SFI1: variants seen among roughly 807,000 people sequenced by gnomAD.
The protein encoded by SFI1 is SFI1 centrin binding protein.
Under a neutral mutation model 207.5 loss-of-function variants are expected in SFI1, and 195 were observed. The observed-to-expected ratio is 0.94, with a 90% CI of 0.84 to 1.06. The LOEUF is 1.06. Among genes scored for constraint, SFI1 ranks in the 50% least tolerant of loss-of-function variants. The pLI is 0.00. For synonymous variants in SFI1, 630 were observed against 598.9 expected (o/e 1.05, Z -0.76); for missense variants, 1,634 against 1,588.0 (o/e 1.03, Z -0.49).
intron 12 of SFI1, among the ~76,000 whole-genome samples, chr22:31,581,782 A>T (rs2064211125): frequency 6.6e-6 from 1 of 152,172 alleles, no homozygotes; most frequent in Non-Finnish European, 1.5e-5. Context: ...AAAAAAGTAT[A>T]ATAAGCCTCT....
chr22:31,553,158 A>G (rs1023812046), intron 6 of SFI1, among the ~76,000 whole-genome samples: 1 of 152,160 alleles, frequency 6.6e-6, no homozygotes, highest in Non-Finnish European at 1.5e-5. Flanking sequence ...TTTTAATAAC[A>G]GTCGTTCTGA....
In SFI1 at chr22:31,573,099, GGA is replaced by G; in HGVS notation, c.810_811del (p.Lys271ThrfsTer24). The G allele has an allele frequency of 6.2e-7, 1 of 1,613,632 alleles. No homozygotes were observed. Among genetic ancestry groups the G allele is most frequent in the Non-Finnish European group, 8.5e-7 (1 of 1,179,928 alleles). The part of the protein sequence containing the change: ...WREQLLYVQK[E>X]KQKVVSAVKH... The stretch of plus-strand genomic sequence containing the variant: ...GGGAACAGCTCCTGTATGTCCAGAA[GGA>G]GAAACAAAAGGTTGTCTCTGCAGTG... On this transcript the variant is annotated frameshift_variant, in exon 9 of 33. Coordinates refer to ENST00000400288, the MANE Select transcript of SFI1 (RefSeq NM_001007467.3). LOFTEE classifies it high-confidence loss of function.
At chr22:31,534,147 C>T (rs940794577) in intron 4 of SFI1, among the ~76,000 whole-genome samples, 5 of 152,054 alleles carry the variant, frequency 3.3e-5, no homozygotes, top group African/African-American at 9.7e-5. Context: ...GAGACAGAGT[C>T]TCGCTCTGTC....
chr22:31,612,427 A>ATATATATATATAT (rs1569462696), intron 24 of SFI1: 1 of 124,750 alleles, frequency 8.0e-6, no homozygotes, highest in Non-Finnish European at 1.7e-5. Flanking sequence ...ATATATATAT[A>ATATATATATATAT]ATCAGTGGGC....
intron 4 of SFI1, among the ~76,000 whole-genome samples, chr22:31,537,530 G>A (rs1047691144): frequency 4.6e-5 from 7 of 152,302 alleles, no homozygotes; most frequent in Middle Eastern, 6.8e-3. Context: ...GGCGGGTGTA[G>A]AGGAAAGAAT....
At chr22:31,527,339 T>G (rs761486704) in intron 2 of SFI1, among the ~76,000 whole-genome samples, 13 of 152,248 alleles carry the variant, frequency 8.5e-5, no homozygotes, top group Non-Finnish European at 1.5e-4. Context: ...CATATTCATT[T>G]TAGCATATAC....
intron 19 of SFI1, 22 bp from the exon 20 acceptor site, chr22:31,604,847 C>T: frequency 6.2e-7 from 1 of 1,606,408 alleles, no homozygotes; most frequent in Non-Finnish European, 8.5e-7. Flanking sequence ...AGAGCAGCCT[C>T]AGTCTTCCTT....
In SFI1 at chr22:31,508,484, G is replaced by C. The variant is rs561350725; in HGVS notation, c.92+108G>C. 76 of 739,134 alleles carry C rather than the reference G, an allele frequency of 1.0e-4. No homozygotes were observed. The African/African-American group carries it at 1.2e-3, about 12-fold the overall frequency. The allele number at this position is 739,134 out of a possible 1,614,324, so 45.8% of individuals were successfully genotyped here. A position where few individuals can be genotyped will look rare whatever the true frequency, so the allele number is the denominator to read the frequency against. ...AAATTATGAGTGAGGTAGTAACTGT[G>C]GGTAAGTTTTTTTTGTCATTGATAT... On this transcript the variant is annotated intron_variant, in intron 2 of 32. Transcript: ENST00000400288.
rs1196974165 is a variant in SFI1 at position 31,618,315 on chromosome 22, TG to T, written c.3628del (p.Glu1210LysfsTer72). The T allele has an allele frequency of 3.1e-6, 5 of 1,608,434 alleles. No homozygotes were observed. The highest frequency in any genetic ancestry group is 4.2e-6 in the Non-Finnish European group (5 of 1,176,508). On this transcript the variant is annotated frameshift_variant and splice_region_variant, in exon 33 of 33. Coordinates refer to ENST00000400288, the MANE Select transcript of SFI1 (RefSeq NM_001007467.3). LOFTEE classifies it high-confidence loss of function. ...EQQVQKELEQ[V>X]EMQIQLLAEE... ...CTGCCTGTCCCTCCATGGCCCCAGG[TG>T]GAAATGCAGATCCAGCTGCTGGCAG...
At chr22:31,523,796 G>A (rs1226200115) in intron 2 of SFI1, among the ~76,000 whole-genome samples, 1 of 152,038 alleles carries the variant, frequency 6.6e-6, no homozygotes, top group Non-Finnish European at 1.5e-5. Context: ...TCAAATCTGT[G>A]GAATCAGGGT....
At chr22:31,607,815 G>T in intron 21 of SFI1, 122 bp from the exon 22 acceptor site, 1 of 744,214 alleles carries the variant, frequency 1.3e-6, no homozygotes. Context: ...CCTGGACCGT[G>T]TGTGAGAAGC....
intron 10 of SFI1, among the ~76,000 whole-genome samples, chr22:31,577,568 C>T (rs1178683532): frequency 1.3e-5 from 2 of 152,188 alleles, no homozygotes; most frequent in African/African-American, 4.8e-5. Context: ...CCATCACACC[C>T]GGCTTCAGGG....
Position 31,589,478 on chromosome 22 carries a change from A to T in SFI1, c.1445A>T (p.Gln482Leu). The T allele has an allele frequency of 1.2e-6, 2 of 1,613,270 alleles. No individual in the cohort carries two copies. The highest frequency in any genetic ancestry group is 3.3e-5 in the Admixed American group (2 of 59,726). Residue 482 changes from glutamine to leucine, a missense_variant, in exon 15 of 33, where the codon CAG (glutamine) becomes CTG (leucine). Transcript: ENST00000400288. Reference sequence around the variant, plus strand: ...CAGGCCAGAGCGGATGGTCATTTCCAGCAGAGAGCCCTGCCTGCTGCCTTC... The same window carrying T: ...CAGGCCAGAGCGGATGGTCATTTCCTGCAGAGAGCCCTGCCTGCTGCCTTC... ...LLQARADGHF[Q>L]QRALPAAFHT...
intron 2 of SFI1, among the ~76,000 whole-genome samples, chr22:31,510,088 C>T (rs1199545277): frequency 6.6e-6 from 1 of 152,032 alleles, no homozygotes; most frequent in Admixed American, 6.6e-5. Context: ...CCTCTGCCTG[C>T]CAAAGTGCTG....
Position 31,603,810 on chromosome 22 carries a change from G to GA in SFI1, c.1872_1873insA (p.Trp625MetfsTer77). 2 of 1,570,874 alleles carry GA rather than the reference G, an allele frequency of 1.3e-6. No individual in the cohort carries two copies. Among genetic ancestry groups the GA allele is most frequent in the Non-Finnish European group, 1.7e-6 (2 of 1,167,354 alleles). On this transcript the variant is annotated frameshift_variant, in exon 18 of 33. Transcript: ENST00000400288. LOFTEE classifies it high-confidence loss of function. ...AGCTCCTGCGTTGGGCCTGGAGCCA[G>GA]TGGAGGGAGGTAAGGCTTTGGTGCG...
intron 14 of SFI1, 32 bp from the exon 15 acceptor site, chr22:31,589,415 A>C: frequency 6.5e-7 from 1 of 1,529,238 alleles, no homozygotes; most frequent in Non-Finnish European, 8.8e-7. Flanking sequence ...AAAAAAAGTT[A>C]AGTACAAAGG....
intron 5 of SFI1, among the ~76,000 whole-genome samples, chr22:31,547,684 A>G (rs1360143045): frequency 1.3e-5 from 2 of 149,472 alleles, no homozygotes; most frequent in Non-Finnish European, 3.0e-5. Context: ...CAATGGCGCC[A>G]TCTTGACTCA....
At chr22:31,516,897 T>C (rs943139963) in intron 2 of SFI1, among the ~76,000 whole-genome samples, 3 of 152,050 alleles carry the variant, frequency 2.0e-5, no homozygotes, top group African/African-American at 7.3e-5. Context: ...GAGGTTGCAG[T>C]GAGCCGAGAT....
At chr22:31,517,632 G>A (rs1025691231) in intron 2 of SFI1, among the ~76,000 whole-genome samples, 2 of 152,032 alleles carry the variant, frequency 1.3e-5, no homozygotes, top group Non-Finnish European at 2.9e-5. Context: ...GACTTTTGTT[G>A]ATCATGTGAG....
Sources: gnomAD v4.1 joint callset for allele counts (sites outside exome capture counted in the v4.1 genomes callset) on GRCh38, gnomAD v4.1.1 for gene constraint, MANE v1.5 for transcripts, NCBI Gene and HGNC (gene_info 2026-07-23, HGNC 2026-07-21) for gene names.